GMDS: variants seen among roughly 807,000 people sequenced by gnomAD.
The protein encoded by GMDS is GDP-mannose 4,6-dehydratase.
Under a neutral mutation model 49.9 loss-of-function variants are expected in GMDS, and 20 were observed. The ratio of observed to expected loss-of-function variants is 0.40; its 90% CI spans 0.28 to 0.58. GMDS has a LOEUF of 0.58. Among genes scored for constraint, GMDS ranks in the 20% least tolerant of loss-of-function variants. The pLI, the probability that GMDS is intolerant of heterozygous loss-of-function variation, is 0.42. For synonymous variants in GMDS, 177 were observed against 178.6 expected (o/e 0.99, Z 0.07); for missense variants, 362 against 481.4 (o/e 0.75, Z 2.32).
intron 4 of GMDS, among the ~76,000 whole-genome samples, chr6:2,001,387 A>T (rs904170534): frequency 7.2e-5 from 11 of 152,178 alleles, no homozygotes; most frequent in African/African-American, 2.2e-4. Flanking sequence ...CTAAATCTCT[A>T]TCCCTTATCA....
intron 4 of GMDS, among the ~76,000 whole-genome samples, chr6:1,995,914 G>A (rs1017249326): frequency 2.6e-5 from 4 of 152,122 alleles, no homozygotes; most frequent in African/African-American, 9.7e-5. Flanking sequence ...GCCCAGCTGG[G>A]TCGCTAGGTG....
chr6:1,653,031 G>A (rs912202556), intron 9 of GMDS, among the ~76,000 whole-genome samples: 2 of 151,392 alleles, frequency 1.3e-5, no homozygotes, highest in Non-Finnish European at 2.9e-5. Flanking sequence ...CACCTGGCCC[G>A]CGTGGCTCCT....
At chr6:1,708,498 G>A (rs1336530314) in intron 9 of GMDS, among the ~76,000 whole-genome samples, 2 of 152,210 alleles carry the variant, frequency 1.3e-5, no homozygotes, top group South Asian at 2.1e-4. Flanking sequence ...GTCAGTCACC[G>A]CACAATCGAG....
rs1047506289 is a variant in GMDS at position 1,640,714 on chromosome 6, C to T, written c.988-16174G>A. On this transcript the variant is annotated intron_variant, in intron 9 of 10. Transcript: ENST00000380815. This position sits in a 1 kb window ranked among gnomAD's most constrained non-coding sequence, Gnocchi z 4.0. ...CCGACACAGCAGCCAACCAGACACA[C>T]GGGGAGCTCATGTTCTACTGTGGGG... Among the ~76,000 whole-genome samples, 12 of 152,182 alleles carry T rather than the reference C, an allele frequency of 7.9e-5. No individual in the cohort carries two copies. The highest frequency in any genetic ancestry group is 2.2e-4 in the African/African-American group (9 of 41,440).
chr6:1,755,927 A>T (rs1767922728), intron 7 of GMDS, among the ~76,000 whole-genome samples: 1 of 152,260 alleles, frequency 6.6e-6, no homozygotes. Flanking sequence ...CATTAAACTA[A>T]AGAGCTGTTG....
At chr6:1,712,886 T>C (rs1009677103) in intron 9 of GMDS, among the ~76,000 whole-genome samples, 1 of 152,172 alleles carries the variant, frequency 6.6e-6, no homozygotes, top group Non-Finnish European at 1.5e-5. Context: ...ATATAAATAT[T>C]ACTTAGTTGG....
At chr6:2,078,735 GT>G (rs1455376019) in intron 4 of GMDS, among the ~76,000 whole-genome samples, 1 of 152,056 alleles carries the variant, frequency 6.6e-6, no homozygotes, top group African/African-American at 2.4e-5. Flanking sequence ...ATATTCTGTA[GT>G]TTTTGGATAA....
chr6:1,646,560 T>G (rs1581405777), intron 9 of GMDS, among the ~76,000 whole-genome samples: 2 of 152,090 alleles, frequency 1.3e-5, no homozygotes, highest in African/African-American at 4.8e-5. Flanking sequence ...TGTGTTATGT[T>G]TTTTTTAGAG....
intron 4 of GMDS, among the ~76,000 whole-genome samples, chr6:2,108,506 C>T (rs914382455): frequency 2.4e-4 from 36 of 152,146 alleles, no homozygotes; most frequent in Non-Finnish European, 4.4e-5. Flanking sequence ...CACTGATGTG[C>T]TAACATTGCA....
At chr6:1,939,295 G>C (rs1311673483) in intron 6 of GMDS, among the ~76,000 whole-genome samples, 1 of 151,788 alleles carries the variant, frequency 6.6e-6, no homozygotes, top group Non-Finnish European at 1.5e-5. Flanking sequence ...TAATTTGCTG[G>C]AGACCAGAGG....
intron 4 of GMDS, among the ~76,000 whole-genome samples, chr6:2,068,464 G>A (rs1399263157): frequency 6.6e-6 from 1 of 152,138 alleles, no homozygotes; most frequent in Non-Finnish European, 1.5e-5. Context: ...TAGGAAAAGA[G>A]GAAGTCAAAT....
At chr6:1,657,441 C>T (rs1017836936) in intron 9 of GMDS, among the ~76,000 whole-genome samples, 1 of 152,314 alleles carries the variant, frequency 6.6e-6, no homozygotes, top group Admixed American at 6.5e-5. Context: ...TTATAAAAAC[C>T]AGATGAGCCA....
intron 4 of GMDS, among the ~76,000 whole-genome samples, chr6:2,016,029 G>C (rs1369969172): frequency 8.0e-6 from 1 of 125,376 alleles, no homozygotes; most frequent in Non-Finnish European, 1.6e-5. Context: ...CTTGAGCCCA[G>C]GAAATAGAGA....
chr6:2,000,296 A>G (rs1025286750), intron 4 of GMDS, among the ~76,000 whole-genome samples: 2 of 150,902 alleles, frequency 1.3e-5, no homozygotes, highest in African/African-American at 4.9e-5. Flanking sequence ...TGGCCTCCCA[A>G]AATGCTGGGA....
chr6:1,693,779 A>T (rs1765249939), intron 9 of GMDS, among the ~76,000 whole-genome samples: 1 of 152,212 alleles, frequency 6.6e-6, no homozygotes, highest in South Asian at 2.1e-4. Flanking sequence ...TTCTGTTACT[A>T]GCAAGCACAG....
chr6:2,104,981 G>C (rs530301832), intron 4 of GMDS, among the ~76,000 whole-genome samples: 41 of 151,982 alleles, frequency 2.7e-4, no homozygotes, highest in South Asian at 1.0e-3. Flanking sequence ...AGGAGATCGA[G>C]ACCATCCTGG....
intron 7 of GMDS, among the ~76,000 whole-genome samples, chr6:1,901,498 T>C (rs1427510920): frequency 4.8e-4 from 73 of 152,210 alleles, no homozygotes; most frequent in Non-Finnish European, 8.8e-5. Context: ...TTTTAAGGAA[T>C]TGCAGTAACT....
chr6:2,047,065 G>C (rs1010971157), intron 4 of GMDS, among the ~76,000 whole-genome samples: 5 of 152,196 alleles, frequency 3.3e-5, no homozygotes, highest in Non-Finnish European at 5.9e-5. Context: ...TGACTATATT[G>C]AGTACAAATT....
chr6:2,046,598 T>C (rs1178013834), intron 4 of GMDS, among the ~76,000 whole-genome samples: 2 of 152,268 alleles, frequency 1.3e-5, no homozygotes, highest in South Asian at 4.1e-4. Flanking sequence ...TAGCTGGGAC[T>C]ACAAGCAGGT....
Sources: gnomAD v4.1 joint callset for allele counts (sites outside exome capture counted in the v4.1 genomes callset) on GRCh38, gnomAD v4.1.1 for gene constraint, Gnocchi (gnomAD v3.1) non-coding constraint, MANE v1.5 for transcripts, NCBI Gene and HGNC (gene_info 2026-07-23, HGNC 2026-07-21) for gene names.